The following NLRP1 variants were observed in gnomAD, a reference collection of about 807,000 sequenced individuals.
NLRP1 encodes the protein NACHT, LRR and PYD domains-containing protein 1.
Under a neutral mutation model 136.7 loss-of-function variants are expected in NLRP1, and 94 were observed. The ratio of observed to expected loss-of-function variants is 0.69; its 90% CI spans 0.58 to 0.82. The LOEUF (loss-of-function observed/expected upper bound fraction) is 0.82. NLRP1 is among the 40% of genes least tolerant of loss of function. NLRP1 has a pLI of 0.00. For missense variants in NLRP1, 1,575 were observed against 1,802.7 expected (o/e 0.87, Z 2.29); for synonymous variants, 690 against 725.1 (o/e 0.95, Z 0.78).
At chr17:5,561,978 A>G (rs953239779) in intron 3 of NLRP1, among the ~76,000 whole-genome samples, 3 of 152,152 alleles carry the variant, frequency 2.0e-5, no homozygotes, top group African/African-American at 7.2e-5. Context: ...CGCCTCTCCT[A>G]GCCATGCAGG....
In NLRP1 at chr17:5,573,151, C is replaced by T. The variant is rs141910875; in HGVS notation, c.652+8708G>A. On this transcript the variant is annotated intron_variant, in intron 3 of 16. Coordinates refer to ENST00000572272, the MANE Select transcript of NLRP1 (RefSeq NM_033004.4). ...GCACTTTTCCAACGGTCTTTGCAAA[C>T]GGCACACCAGGAGATTATATCCCGT... Among the ~76,000 whole-genome samples the T allele has an allele frequency of 4.8e-3, 733 of 152,306 alleles. 1 individual carries two copies. The highest frequency in any genetic ancestry group is 0.014 in the Middle Eastern group (4 of 294).
chr17:5,553,803 T>C lies in NLRP1; in HGVS notation c.2358-247A>G, dbSNP rs369759941. Reference sequence around the variant, plus strand: ...CACACTGAAGTGTTCACCTTGTGTGTCTGTTTCTGCCTCAGTCTGGGAGTT... The same window carrying C: ...CACACTGAAGTGTTCACCTTGTGTGCCTGTTTCTGCCTCAGTCTGGGAGTT... On this transcript the variant is annotated intron_variant, in intron 4 of 16. Coordinates refer to ENST00000572272, the MANE Select transcript of NLRP1 (RefSeq NM_033004.4). Among the ~76,000 whole-genome samples the C allele has an allele frequency of 4.6e-5, 7 of 151,804 alleles. No individual in the cohort carries two copies. In the South Asian group the frequency reaches 1.5e-3, roughly 32 times the overall value.
rs1300506745 is a variant in NLRP1, at chr17:5,559,085, C to T, written c.1611G>A (p.Lys537=). Residue 537 remains lysine, a synonymous_variant, in exon 4 of 17, where the codon AAG becomes AAA. Coordinates refer to ENST00000572272, the MANE Select transcript of NLRP1 (RefSeq NM_033004.4). ...TCTTGGAAGTCAGTGTGAGTTTTTC[C>T]TTCCGCTTCATCTGCTGCATCAGGC... ...CTCLMQQMKR[K]EKLTLTSKTT... 1.2e-6 allele frequency: 2 copies of T among 1,614,184 alleles called. No individual in the cohort carries two copies. The highest frequency in any genetic ancestry group is 1.1e-5 in the South Asian group (1 of 91,082).
intron 15 of NLRP1, among the ~76,000 whole-genome samples, chr17:5,508,612 C>G (rs73973821): frequency 0.033 from 5,096 of 152,252 alleles, 291 homozygotes; most frequent in African/African-American, 0.11. Flanking sequence ...AAATTGGAAG[C>G]AAACTCAATG....
chr17:5,549,732 T>TCCATCCA (rs1383084752), intron 5 of NLRP1, among the ~76,000 whole-genome samples: 1 of 152,256 alleles, frequency 6.6e-6, no homozygotes, highest in Admixed American at 6.5e-5. Context: ...AGTACAGTGT[T>TCCATCCA]GAATAGAAAT....
intron 10 of NLRP1, 131 bp downstream of exon 10, chr17:5,533,173 C>T (rs540986576): frequency 9.4e-6 from 14 of 1,493,544 alleles, no homozygotes; most frequent in Non-Finnish European, 1.3e-5. Flanking sequence ...CCAGTGCCTC[C>T]AGCCCAGCCT....
At chr17:5,516,037 G>GA (rs1377310953) in intron 15 of NLRP1, among the ~76,000 whole-genome samples, 4 of 150,142 alleles carry the variant, frequency 2.7e-5, no homozygotes, top group African/African-American at 4.9e-5. Flanking sequence ...AATTTTAACA[G>GA]AAAAAACAGA....
chr17:5,512,074 G>C, downstream of NLRP1: 1 of 715,564 alleles, frequency 1.4e-6, no homozygotes, highest in Non-Finnish European at 2.6e-6. Context: ...TTTTGTTTTG[G>C]GTTTTTGTGG....
chr17:5,527,782 A>C (rs1909741696), intron 12 of NLRP1, among the ~76,000 whole-genome samples: 1 of 152,234 alleles, frequency 6.6e-6, no homozygotes. Flanking sequence ...TTTGGCTGTC[A>C]GCCTGGCAGG....
At chr17:5,529,961 T>C (rs185259881) in intron 12 of NLRP1, 22 of 456,454 alleles carry the variant, frequency 4.8e-5, no homozygotes, top group Middle Eastern at 6.5e-4. Flanking sequence ...GGAGGTGACA[T>C]AAAATCATAC....
At chr17:5,550,031 T>G (rs1177035198) in intron 5 of NLRP1, among the ~76,000 whole-genome samples, 1 of 152,248 alleles carries the variant, frequency 6.6e-6, no homozygotes, top group Non-Finnish European at 1.5e-5. Context: ...CCAATTTGCA[T>G]TCTTGGGATA....
In NLRP1 at chr17:5,584,391, G is replaced by A. The variant is rs565780392; in HGVS notation, c.-434C>T. ...GAGAAGAGGTGGGGTGGGAGGAGCCGCAGAGCAGGGAATGGGCTTTCAGAA... is the reference window on the plus strand; with the variant it reads ...GAGAAGAGGTGGGGTGGGAGGAGCCACAGAGCAGGGAATGGGCTTTCAGAA... On this transcript the variant is annotated 5_prime_UTR_variant, in exon 1 of 17. Coordinates refer to ENST00000572272, the MANE Select transcript of NLRP1 (RefSeq NM_033004.4). 4 of 176,864 alleles carry A rather than the reference G, an allele frequency of 2.3e-5. No individual in the cohort carries two copies. In the East Asian group the frequency reaches 4.9e-4, roughly 22 times the overall value. 11.0% of individuals were successfully genotyped at this position (176,864 alleles called of 1,614,324 possible). A position where few individuals can be genotyped will look rare whatever the true frequency, so the allele number is the denominator to read the frequency against.
chr17:5,539,736 A>T (rs1049502984), intron 6 of NLRP1, 151 bp from the exon 7 acceptor site: 1 of 1,361,392 alleles, frequency 7.3e-7, no homozygotes, highest in African/African-American at 1.5e-5. Flanking sequence ...GGCTTGCGGT[A>T]ACCTGAGAGA....
exon 16 of NLRP1, chr17:5,501,691 A>G (rs1907092042): frequency 1.4e-6 from 1 of 726,442 alleles, no homozygotes; most frequent in Non-Finnish European, 2.4e-6. Flanking sequence ...ATTAAGAACA[A>G]ATCCTTCAAA....
intron 15 of NLRP1, among the ~76,000 whole-genome samples, chr17:5,516,941 T>C (rs1908196290): frequency 6.6e-6 from 1 of 152,220 alleles, no homozygotes; most frequent in Admixed American, 6.5e-5. Context: ...TCTTAGATTG[T>C]TGGTACTAGA....
chr17:5,539,552 G>T lies in NLRP1; in HGVS notation c.2733C>A (p.Cys911Ter). ...CACTAAGCACAGAGGCCAGGTCCTG[G>T]CAGCAGTCAGACGTGAGGCCACAGC... ...LVSCGLTSDC[C>*]QDLASVLSAS... The change falls in exon 7 of 17, where the codon TGC becomes TGA. Residue 911 changes from cysteine to a stop codon, truncating the protein, a stop_gained. Transcript: ENST00000572272. LOFTEE classifies it high-confidence loss of function. 6.2e-7 allele frequency: 1 copy of T among 1,613,292 alleles called. No individual in the cohort carries two copies.
chr17:5,551,655 A>G (rs1913371612), intron 5 of NLRP1, among the ~76,000 whole-genome samples: 1 of 152,210 alleles, frequency 6.6e-6, no homozygotes, highest in South Asian at 2.1e-4. Flanking sequence ...ACAATGAATG[A>G]GAGTTCCTGT....
chr17:5,517,356 C>CA (rs1298777526), intron 15 of NLRP1, among the ~76,000 whole-genome samples: 2 of 86,826 alleles, frequency 2.3e-5, no homozygotes, highest in Non-Finnish European at 5.4e-5. Context: ...CTGCACCCCC[C>CA]CCCCTCCCAC....
At chr17:5,551,265 A>G (rs1377096852) in intron 5 of NLRP1, among the ~76,000 whole-genome samples, 1 of 152,208 alleles carries the variant, frequency 6.6e-6, no homozygotes, top group African/African-American at 2.4e-5. Flanking sequence ...CCAGAATGTC[A>G]TATAGTTGGA....
Sources: allele counts gnomAD v4.1 joint callset (sites outside exome capture counted in the v4.1 genomes callset), GRCh38; gene constraint gnomAD v4.1.1; transcripts MANE v1.5; gene names NCBI Gene and HGNC (gene_info 2026-07-23, HGNC 2026-07-21).